The following C1QTNF6 variants were observed in gnomAD, a reference collection of about 807,000 sequenced individuals.
C1QTNF6 encodes the protein C1q and TNF related 6, also known as complement C1q tumor necrosis factor-related protein 6.
Under a neutral mutation model 20.7 loss-of-function variants are expected in C1QTNF6, and 17 were observed. The ratio of observed to expected loss-of-function variants is 0.82; its 90% CI spans 0.56 to 1.23. The LOEUF is 1.23. C1QTNF6 is among the 50% of genes most tolerant of loss of function. The probability of loss-of-function intolerance (pLI) is 0.00; values close to 1 mark genes in which losing one functional copy is unlikely to be tolerated. For missense variants in C1QTNF6, 329 were observed against 389.7 expected, an observed-to-expected ratio of 0.84 and a Z score of 1.31; for synonymous variants, 130 against 156.3, an observed-to-expected ratio of 0.83 and a Z score of 1.25.
intron 1 of C1QTNF6, among the ~76,000 whole-genome samples, 188 bp downstream of exon 1, chr22:37,187,975 A>C (rs1413181400): frequency 6.6e-6 from 1 of 152,102 alleles, no homozygotes; most frequent in East Asian, 1.9e-4. Flanking sequence ...GGCGGGCACA[A>C]ACCGGGAGCA....
chr22:37,181,913 G>A lies in C1QTNF6; in HGVS notation c.*275C>T. ...AACACGAACCCCGGGTGATTCGCAT[G>A]CATTTCCAAGTTTGAGAAGTGCTGG... On this transcript the variant is annotated 3_prime_UTR_variant, in exon 3 of 3. Coordinates refer to ENST00000337843, the MANE Select transcript of C1QTNF6 (RefSeq NM_031910.4). The A allele has an allele frequency of 4.2e-6, 2 of 473,188 alleles. No homozygotes were observed. The highest frequency in any genetic ancestry group is 5.8e-5 in the South Asian group (2 of 34,608). 29.3% of individuals were successfully genotyped at this position (473,188 alleles called of 1,614,324 possible). A position where few individuals can be genotyped will look rare whatever the true frequency, so the allele number is the denominator to read the frequency against.
At position 37,182,620 on chromosome 22, in the gene C1QTNF6, G is replaced by A. The variant is rs368815003; in HGVS notation, c.405C>T (p.Pro135=). The change falls in exon 3 of 3, where the codon CCC becomes CCT. Residue 135 remains proline, a synonymous_variant. Transcript: ENST00000337843. ...AGAAGCGCTTCTGGCACGGGGCGCC[G>A]GGGCTGCCCATCTCCCCCTTGTCAC... ...SKGDKGEMGS[P]GAPCQKRFFA... is the part of the protein sequence containing the mutation. 5.9e-5 allele frequency: 95 copies of A among 1,613,472 alleles called. No individual in the cohort carries two copies. Among genetic ancestry groups the A allele is most frequent in the Middle Eastern group, 1.6e-4 (1 of 6,084 alleles).
intron 2 of C1QTNF6, among the ~76,000 whole-genome samples, chr22:37,183,586 G>A (rs904176758): frequency 3.9e-5 from 6 of 152,242 alleles, no homozygotes; most frequent in Non-Finnish European, 8.8e-5. Flanking sequence ...CACAGTGCCT[G>A]GAGTCACACG....
At chr22:37,185,856 T>G in intron 1 of C1QTNF6, 1 of 990,436 alleles carries the variant, frequency 1.0e-6, no homozygotes, top group Non-Finnish European at 1.2e-6. Flanking sequence ...GTCAGATGCT[T>G]TCCCGCCCGC....
At chr22:37,190,346 G>A (rs1471964293), upstream of C1QTNF6, among the ~76,000 whole-genome samples, 1 of 152,170 alleles carries the variant, frequency 6.6e-6, no homozygotes, top group Non-Finnish European at 1.5e-5. Flanking sequence ...TGTTTCATAA[G>A]GTATCTTAGA....
intron 2 of C1QTNF6, 72 bp downstream of exon 2, chr22:37,185,146 G>T: frequency 6.7e-7 from 1 of 1,488,174 alleles, no homozygotes; most frequent in African/African-American, 1.4e-5. Context: ...TTTCCGCCCT[G>T]CCCTCTACTC....
chr22:37,195,400 G>C (rs1925079644), exon 2 of C1QTNF6: 1 of 152,134 alleles, frequency 6.6e-6, no homozygotes, highest in African/African-American at 2.4e-5. Flanking sequence ...GCCAATTGGG[G>C]CTGTAGTCTA....
intron 2 of C1QTNF6, among the ~76,000 whole-genome samples, chr22:37,194,874 A>T (rs1181420436): frequency 6.6e-6 from 1 of 152,244 alleles, no homozygotes; most frequent in East Asian, 1.9e-4. Context: ...GAAAAGATAG[A>T]AAAGAGAAAG....
At chr22:37,187,573 TAAAA>T (rs5845322) in intron 1 of C1QTNF6, among the ~76,000 whole-genome samples, 7 of 147,354 alleles carry the variant, frequency 4.8e-5, no homozygotes, top group African/African-American at 1.7e-4. Flanking sequence ...ATAAAAGACT[TAAAA>T]AAAAAAAAAA....
At chr22:37,198,893 C>A (rs1348958712), upstream of C1QTNF6, among the ~76,000 whole-genome samples, 1 of 152,164 alleles carries the variant, frequency 6.6e-6, no homozygotes, top group Non-Finnish European at 1.5e-5. Flanking sequence ...GCCCAGGGGC[C>A]GGGGAAAGTT....
upstream of C1QTNF6, chr22:37,190,840 CA>C (rs1924773788): frequency 6.6e-6 from 1 of 152,092 alleles, no homozygotes; most frequent in Admixed American, 6.5e-5. Flanking sequence ...TGTTTTTGGA[CA>C]AAACTTTGTT....
chr22:37,182,735 C>A lies in C1QTNF6; in HGVS notation c.290G>T (p.Gly97Val). 1.3e-6 allele frequency: 2 copies of A among 1,595,870 alleles called. No homozygotes were observed. Among genetic ancestry groups the A allele is most frequent in the South Asian group, 1.1e-5 (1 of 89,044 alleles). Reference protein sequence around the residue: ...RPYINITILKGDKGDPGPMGL... With the variant: ...RPYINITILKVDKGDPGPMGL... ...CATTGGGCCTGGGTCCCCTTTGTCACCTGTGGGGATAAAAAGGGGACAAGT... is the reference window on the plus strand; with the variant it reads ...CATTGGGCCTGGGTCCCCTTTGTCAACTGTGGGGATAAAAAGGGGACAAGT... The change falls in exon 3 of 3, where the codon GGT becomes GTT. Residue 97 changes from glycine to valine, a missense_variant and splice_region_variant. By Grantham distance (109) the Gly-to-Val change is moderately radical. Coordinates refer to ENST00000337843, the MANE Select transcript of C1QTNF6 (RefSeq NM_031910.4).
Position 37,182,406 on chromosome 22 carries a change from C to T in C1QTNF6, c.619G>A (p.Val207Met), listed in dbSNP as rs1462176247. The change falls in exon 3 of 3, where the codon GTG becomes ATG. Residue 207 changes from valine (V) to methionine (M), a missense_variant. By Grantham distance (21) the Val-to-Met change is conservative. Transcript: ENST00000337843. Reference sequence around the variant, plus strand: ...TCTTTCTGGTTATGCATAATGTGCACGTACGTCTCCTTGTAATTCCAGCTG... The same window carrying T: ...TCTTTCTGGTTATGCATAATGTGCATGTACGTCTCCTTGTAATTCCAGCTG... ...VHSWNYKETY[V>M]HIMHNQKEAV... 6.8e-6 allele frequency: 11 copies of T among 1,614,152 alleles called. No homozygotes were observed. The Admixed American group carries it at 1.0e-4, about 15-fold the overall frequency.
chr22:37,193,777 T>C (rs1470388737), intron 2 of C1QTNF6, among the ~76,000 whole-genome samples: 1 of 152,130 alleles, frequency 6.6e-6, no homozygotes, highest in Admixed American at 6.6e-5. Flanking sequence ...CCAAGGGTAG[T>C]GCAGAGAAAG....
chr22:37,194,633 G>GT (rs1427343977), intron 2 of C1QTNF6, among the ~76,000 whole-genome samples: 1 of 152,180 alleles, frequency 6.6e-6, no homozygotes, highest in African/African-American at 2.4e-5. Flanking sequence ...TCTTAATTTT[G>GT]TAAGATGCTG....
At chr22:37,190,699 A>G (rs1227622163), upstream of C1QTNF6, 1 of 95,734 alleles carries the variant, frequency 1.0e-5, no homozygotes, top group Non-Finnish European at 2.5e-5. Flanking sequence ...AAAAAAAAAG[A>G]AGAAAGAAGG....
At chr22:37,183,556 C>T (rs557753534) in intron 2 of C1QTNF6, among the ~76,000 whole-genome samples, 2 of 152,254 alleles carry the variant, frequency 1.3e-5, no homozygotes, top group African/African-American at 2.4e-5. Context: ...CCCGACCTCA[C>T]ATAGCTCCCT....
chr22:37,191,654 G>A (rs1269593572), upstream of C1QTNF6: 1 of 151,946 alleles, frequency 6.6e-6, no homozygotes. Flanking sequence ...GTTTTTAAGG[G>A]CAAAAACCTT....
At chr22:37,192,785 T>C (rs922381223), upstream of C1QTNF6, among the ~76,000 whole-genome samples, 1 of 152,280 alleles carries the variant, frequency 6.6e-6, no homozygotes, top group East Asian at 1.9e-4. Context: ...ACAACATATA[T>C]AAATACACAG....
Sources: allele counts gnomAD v4.1 joint callset (sites outside exome capture counted in the v4.1 genomes callset), GRCh38; gene constraint gnomAD v4.1.1; transcripts MANE v1.5; gene names NCBI Gene and HGNC (gene_info 2026-07-23, HGNC 2026-07-21).